LRRC4C: variants seen among roughly 807,000 people sequenced by gnomAD.
The protein encoded by LRRC4C is leucine-rich repeat-containing protein 4C.
A neutral mutation model predicts 33.6 loss-of-function variants in LRRC4C; 5 were observed. The ratio of observed to expected loss-of-function variants is 0.15; its 90% CI spans 0.08 to 0.31. The LOEUF (loss-of-function observed/expected upper bound fraction) is 0.31. Among genes scored for constraint, LRRC4C ranks in the 10% least tolerant of loss-of-function variants. The pLI, the probability that LRRC4C is intolerant of heterozygous loss-of-function variation, is 1.00. For missense variants in LRRC4C, 560 were observed against 796.7 expected (o/e 0.70, Z 3.58); for synonymous variants, 329 against 302.0 (o/e 1.09, Z -0.93).
chr11:40,123,280 C>T (rs1855968214), intron 6 of LRRC4C, among the ~76,000 whole-genome samples: 1 of 151,904 alleles, frequency 6.6e-6, no homozygotes, highest in Admixed American at 6.6e-5. Flanking sequence ...AAATAAAGGA[C>T]ATCTTGGAAA....
Position 40,775,400 on chromosome 11 carries a change from C to T in LRRC4C, c.-406-127122G>A, listed in dbSNP as rs1210634146. Among the ~76,000 whole-genome samples the T allele has an allele frequency of 8.1e-5, 11 of 136,412 alleles. No individual in the cohort carries two copies. In the East Asian group the frequency reaches 8.4e-4, roughly 10 times the overall value. The allele number at this position is 136,412 out of a possible 152,430, so 89.5% of individuals were successfully genotyped here. A position where few individuals can be genotyped will look rare whatever the true frequency, so the allele number is the denominator to read the frequency against. On this transcript the variant is annotated intron_variant, in intron 2 of 6. Coordinates refer to ENST00000528697, the MANE Select transcript of LRRC4C (RefSeq NM_001258419.2). ...ACTCCAGCCTGCCTGGATGACAAGG[C>T]GAGACTCTGTTTCAAAAAAAAAAAA... is the stretch of plus-strand genomic sequence containing the variant.
rs114131119 is a variant in LRRC4C at position 41,029,608 on chromosome 11, G to T, written c.-495-95885C>A. On this transcript the variant is annotated intron_variant, in intron 1 of 6. Coordinates refer to ENST00000528697, the MANE Select transcript of LRRC4C (RefSeq NM_001258419.2). Reference sequence around the variant, plus strand: ...TAACCTTGTAATTACATTAGCTTTGGTAAGACTGCTCGGCAGCTTCTATCA... The same window carrying T: ...TAACCTTGTAATTACATTAGCTTTGTTAAGACTGCTCGGCAGCTTCTATCA... 7.1e-3 allele frequency among the ~76,000 whole-genome samples: 1,070 copies of T among 151,748 alleles called. 15 individuals carry two copies. Among genetic ancestry groups the T allele is most frequent in the African/African-American group, 0.025 (1,030 of 41,448 alleles).
intron 5 of LRRC4C, among the ~76,000 whole-genome samples, chr11:40,160,660 G>A (rs1383054942): frequency 2.0e-5 from 3 of 152,130 alleles, no homozygotes; most frequent in Non-Finnish European, 4.4e-5. Flanking sequence ...ATTTATAGAC[G>A]AGCGAAAGGG....
At chr11:41,310,431 C>T (rs950102050) in intron 1 of LRRC4C, among the ~76,000 whole-genome samples, 1 of 152,146 alleles carries the variant, frequency 6.6e-6, no homozygotes, top group African/African-American at 2.4e-5. Flanking sequence ...GCCTGGGTTC[C>T]AAACCCACCT....
intron 1 of LRRC4C, among the ~76,000 whole-genome samples, chr11:40,946,780 A>T (rs922086025): frequency 1.3e-5 from 2 of 152,186 alleles, no homozygotes; most frequent in Admixed American, 1.3e-4. Flanking sequence ...ATAGACATCT[A>T]ACAGAGCACT....
At chr11:41,217,718 G>T (rs1240865695) in intron 1 of LRRC4C, among the ~76,000 whole-genome samples, 2 of 152,178 alleles carry the variant, frequency 1.3e-5, no homozygotes, top group East Asian at 3.8e-4. Context: ...GGGGGTGGAT[G>T]ATGGGAGGTT....
chr11:40,774,474 T>G (rs77721865), intron 2 of LRRC4C, among the ~76,000 whole-genome samples: 4,588 of 152,264 alleles, frequency 0.03, 89 homozygotes, highest in Middle Eastern at 0.051. Flanking sequence ...ATTCTGCATT[T>G]GTTAGGATAA....
At chr11:41,197,046 G>A (rs1946207788) in intron 1 of LRRC4C, among the ~76,000 whole-genome samples, 2 of 151,944 alleles carry the variant, frequency 1.3e-5, no homozygotes, top group Non-Finnish European at 2.9e-5. Context: ...AAGAAACAGA[G>A]CTACTGGTAG....
At chr11:40,915,550 A>T (rs1379598504) in intron 2 of LRRC4C, among the ~76,000 whole-genome samples, 3 of 152,238 alleles carry the variant, frequency 2.0e-5, no homozygotes, top group Admixed American at 2.0e-4. Context: ...TTAATTCAAG[A>T]TGGATTAAAG....
intron 1 of LRRC4C, among the ~76,000 whole-genome samples, chr11:41,259,723 C>A (rs1368976219): frequency 6.6e-6 from 1 of 152,002 alleles, no homozygotes; most frequent in African/African-American, 2.4e-5. Context: ...TCAGACTAGT[C>A]TCTAAATCTT....
At chr11:40,336,199 G>T (rs904538966) in intron 3 of LRRC4C, among the ~76,000 whole-genome samples, 1 of 152,158 alleles carries the variant, frequency 6.6e-6, no homozygotes, top group Non-Finnish European at 1.5e-5. Context: ...ACAGAACACA[G>T]GCAGCTATTC....
chr11:40,705,110 C>T (rs1212874531), intron 2 of LRRC4C, among the ~76,000 whole-genome samples: 1 of 152,126 alleles, frequency 6.6e-6, no homozygotes, highest in Non-Finnish European at 1.5e-5. Flanking sequence ...TAATCCCATT[C>T]TACTGATGAG....
At chr11:40,221,106 C>A (rs981785678) in intron 5 of LRRC4C, among the ~76,000 whole-genome samples, 9 of 152,066 alleles carry the variant, frequency 5.9e-5, no homozygotes, top group Admixed American at 5.2e-4. Flanking sequence ...AAACTCCTGA[C>A]CTCAGGTGAC....
chr11:40,864,757 T>A (rs966786098), intron 2 of LRRC4C, among the ~76,000 whole-genome samples: 3 of 152,198 alleles, frequency 2.0e-5, no homozygotes, highest in Admixed American at 2.0e-4. Flanking sequence ...AGATATGATA[T>A]CTTTGTTCTA....
In LRRC4C at chr11:40,600,081, A is replaced by T. The variant is rs187970140; in HGVS notation, c.-270+48061T>A. On this transcript the variant is annotated intron_variant, in intron 3 of 6. Coordinates refer to ENST00000528697, the MANE Select transcript of LRRC4C (RefSeq NM_001258419.2). The stretch of plus-strand genomic sequence containing the variant: ...TCAATAATTGATTTGCATGAGCTCT[A>T]ACTCTGTGCATAGTTTGCTGTTGAG... Among the ~76,000 whole-genome samples the T allele has an allele frequency of 7.2e-5, 11 of 152,292 alleles. No homozygotes were observed. In the East Asian group the frequency reaches 1.9e-3, roughly 27 times the overall value.
intron 2 of LRRC4C, among the ~76,000 whole-genome samples, chr11:40,752,167 G>A (rs1428212326): frequency 1.3e-5 from 2 of 151,970 alleles, no homozygotes; most frequent in South Asian, 2.1e-4. Flanking sequence ...CAAATATAGC[G>A]AAAACACTTC....
At chr11:41,166,669 C>G (rs906451677) in intron 1 of LRRC4C, among the ~76,000 whole-genome samples, 1 of 152,110 alleles carries the variant, frequency 6.6e-6, no homozygotes, top group Admixed American at 6.5e-5. Flanking sequence ...TGACTATAGT[C>G]TTGTGGGGCT....
At chr11:40,380,120 AC>A (rs763300062) in intron 3 of LRRC4C, among the ~76,000 whole-genome samples, 1 of 152,170 alleles carries the variant, frequency 6.6e-6, no homozygotes, top group Non-Finnish European at 1.5e-5. Context: ...AGGAAAAATA[AC>A]CCTTTTTTGT....
intron 5 of LRRC4C, among the ~76,000 whole-genome samples, chr11:40,203,387 A>G (rs762647600): frequency 6.6e-6 from 1 of 152,336 alleles, no homozygotes; most frequent in Middle Eastern, 3.4e-3. Context: ...TTCTCTTATC[A>G]TCAAAACTCT....
Sources: gnomAD v4.1 joint callset for allele counts (sites outside exome capture counted in the v4.1 genomes callset) on GRCh38, gnomAD v4.1.1 for gene constraint, MANE v1.5 for transcripts, NCBI Gene and HGNC (gene_info 2026-07-23, HGNC 2026-07-21) for gene names.